The following NLRC5 variants were observed in gnomAD, a reference collection of about 807,000 sequenced individuals.
The protein encoded by NLRC5 is protein NLRC5.
A neutral mutation model predicts 206.9 loss-of-function variants in NLRC5; 114 were observed. That is an observed-to-expected ratio of 0.55 (90% confidence interval 0.47 to 0.64). NLRC5 has a LOEUF of 0.64. Ranked by LOEUF, NLRC5 falls within the 30% of genes least tolerant of loss-of-function variation. The pLI is 0.00. For synonymous variants in NLRC5, 952 were observed against 962.8 expected (o/e 0.99, Z 0.21); for missense variants, 2,008 against 2,305.5 (o/e 0.87, Z 2.64).
At chr16:57,051,655 T>C (rs747019476) in intron 24 of NLRC5, 34 bp downstream of exon 24, 10 of 1,557,736 alleles carry the variant, frequency 6.4e-6, no homozygotes, top group Admixed American at 1.7e-5. Context: ...TCCCGGTTCC[T>C]TGTGCTCGTG....
intron 43 of NLRC5, 44 bp downstream of exon 43, chr16:57,078,064 A>G (rs1436720261): frequency 6.7e-6 from 10 of 1,491,078 alleles, no homozygotes; most frequent in South Asian, 1.3e-5. Flanking sequence ...GGTGGGGAGG[A>G]GGGTCCTCGG....
intron 2 of NLRC5, among the ~76,000 whole-genome samples, chr16:57,017,656 G>T (rs1485113014): frequency 2.0e-5 from 3 of 152,072 alleles, no homozygotes; most frequent in African/African-American, 4.8e-5. Flanking sequence ...CAATATTTCT[G>T]GTCCCTGGAG....
At chr16:57,011,915 C>T (rs1459381107) in intron 1 of NLRC5, among the ~76,000 whole-genome samples, 7 of 151,998 alleles carry the variant, frequency 4.6e-5, no homozygotes, top group African/African-American at 1.5e-4. Context: ...ATTTACATAC[C>T]GTAAAATCTA....
intron 15 of NLRC5, 32 bp downstream of exon 15, chr16:57,037,316 C>A (rs201201878): frequency 0.019 from 24,355 of 1,252,474 alleles, 1,417 homozygotes; most frequent in East Asian, 0.16. Context: ...GGTACCCATC[C>A]CCCCCCCCAT....
intron 10 of NLRC5, among the ~76,000 whole-genome samples, chr16:57,030,492 A>C: frequency 6.7e-6 from 1 of 149,674 alleles, no homozygotes; most frequent in Non-Finnish European, 1.5e-5. Flanking sequence ...GGATGAAAAG[A>C]TGGATGGATG....
intron 24 of NLRC5, 135 bp downstream of exon 24, chr16:57,051,756 A>G: frequency 1.8e-6 from 1 of 548,982 alleles, no homozygotes; most frequent in Non-Finnish European, 3.1e-6. Flanking sequence ...TACCCGCTCC[A>G]TTCTTTCCTT....
chr16:57,035,739 A>G (rs1188483776), intron 13 of NLRC5, among the ~76,000 whole-genome samples: 1 of 152,208 alleles, frequency 6.6e-6, no homozygotes, highest in East Asian at 1.9e-4. Flanking sequence ...AGCATAAAGG[A>G]AGAGTTGAGG....
chr16:57,020,695 C>T lies in NLRC5; in HGVS notation c.-12-6C>T, dbSNP rs2060585956. On this transcript the variant is annotated splice_region_variant and splice_polypyrimidine_tract_variant and intron_variant, in intron 2 of 48. Coordinates refer to ENST00000688547, the MANE Select transcript of NLRC5 (RefSeq NM_001384950.1). Reference sequence around the variant, plus strand: ...CTCAACTCACCTATCTTCCCTGTCCCTCCAGGGCTGGCTCCTCATGGACCC... The same window carrying T: ...CTCAACTCACCTATCTTCCCTGTCCTTCCAGGGCTGGCTCCTCATGGACCC... 4.4e-6 allele frequency: 7 copies of T among 1,605,590 alleles called. No homozygotes were observed. The highest frequency in any genetic ancestry group is 1.1e-5 in the South Asian group (1 of 90,484).
In NLRC5 at chr16:57,055,601, T is replaced by G. The variant is rs537930698; in HGVS notation, c.3746+82T>G. The stretch of plus-strand genomic sequence containing the variant: ...TGAAGGGGGTATGAGGGTCCGTGTG[T>G]GCACATACACTCATGTGTGCCTGCC... On this transcript the variant is annotated intron_variant, in intron 27 of 48. Coordinates refer to ENST00000688547, the MANE Select transcript of NLRC5 (RefSeq NM_001384950.1). 8.1e-6 allele frequency: 9 copies of G among 1,113,140 alleles called. No homozygotes were observed. The East Asian group carries it at 1.5e-4, about 18-fold the overall frequency. 69.0% of individuals were successfully genotyped at this position (1,113,140 alleles called of 1,614,324 possible). A position where few individuals can be genotyped will look rare whatever the true frequency, so the allele number is the denominator to read the frequency against.
intron 24 of NLRC5, chr16:57,052,856 A>G (rs796688659): frequency 4.6e-5 from 7 of 152,392 alleles, no homozygotes; most frequent in African/African-American, 1.7e-4. Context: ...AAAATTGAAC[A>G]GGTTGGAAAC....
intron 30 of NLRC5, among the ~76,000 whole-genome samples, chr16:57,061,002 G>A (rs1258519740): frequency 6.6e-6 from 1 of 152,248 alleles, no homozygotes; most frequent in Non-Finnish European, 1.5e-5. Flanking sequence ...GTCCGGGAGA[G>A]TAAGGCAGTG....
intron 20 of NLRC5, 28 bp downstream of exon 20, chr16:57,043,632 TG>T (rs2063558476): frequency 6.4e-7 from 1 of 1,573,788 alleles, no homozygotes; most frequent in African/African-American, 1.4e-5. Flanking sequence ...CCCCCAGCCC[TG>T]CCCCTGTCCC....
At position 57,040,760 on chromosome 16, in the gene NLRC5, C is replaced by A. The variant is rs773606137; in HGVS notation, c.2939+42C>A. 22 of 1,581,112 alleles carry A rather than the reference C, an allele frequency of 1.4e-5. No individual in the cohort carries two copies. In the East Asian group the frequency reaches 4.7e-4, roughly 34 times the overall value. On this transcript the variant is annotated intron_variant, in intron 17 of 48. Coordinates refer to ENST00000688547, the MANE Select transcript of NLRC5 (RefSeq NM_001384950.1). ...CAGCCCTGTGTGTGATTCCAGCCCC[C>A]TCCCTTCCCCTGCTCAGAGCCTGCT...
At chr16:57,070,790 G>A (rs2067566203) in intron 38 of NLRC5, among the ~76,000 whole-genome samples, 172 bp downstream of exon 38, 1 of 150,512 alleles carries the variant, frequency 6.6e-6, no homozygotes, top group Admixed American at 6.6e-5. Context: ...GGAATGGGCT[G>A]AGTGAGTGGT....
chr16:57,016,269 A>G (rs1487964214), intron 1 of NLRC5, among the ~76,000 whole-genome samples: 1 of 152,200 alleles, frequency 6.6e-6, no homozygotes, highest in African/African-American at 2.4e-5. Context: ...TTAGTCCCCC[A>G]GGACCTCTTC....
chr16:57,037,405 C>T, intron 15 of NLRC5, 121 bp downstream of exon 15: 2 of 871,868 alleles, frequency 2.3e-6, no homozygotes, highest in Non-Finnish European at 3.7e-6. Context: ...GCTGTCCCAC[C>T]CAGACCCCGT....
chr16:57,030,382 A>AGATGGATGGATG (rs57070160), intron 10 of NLRC5, among the ~76,000 whole-genome samples: 25,498 of 104,852 alleles, frequency 0.24, 5,507 homozygotes, highest in Non-Finnish European at 0.27. Flanking sequence ...GTGGATGAAA[A>AGATGGATGGATG]GATGGATGGA....
chr16:57,069,682 G>A, intron 36 of NLRC5, 154 bp from the exon 37 acceptor site: 1 of 667,414 alleles, frequency 1.5e-6, no homozygotes, highest in East Asian at 2.7e-5. Context: ...GGCTTAATGA[G>A]TTCATGGTGG....
chr16:57,012,504 C>T (rs1006386918), intron 1 of NLRC5, among the ~76,000 whole-genome samples: 3 of 152,126 alleles, frequency 2.0e-5, no homozygotes, highest in Admixed American at 6.5e-5. Context: ...AGGTGGTGAG[C>T]GGCCATCGGG....
Sources: allele counts gnomAD v4.1 joint callset (sites outside exome capture counted in the v4.1 genomes callset), GRCh38; gene constraint gnomAD v4.1.1; transcripts MANE v1.5; gene names NCBI Gene and HGNC (gene_info 2026-07-23, HGNC 2026-07-21).